The following DLC1 variants were observed in gnomAD, a reference collection of about 807,000 sequenced individuals.
The protein encoded by DLC1 is DLC1 Rho GTPase activating protein.
A neutral mutation model predicts 140.3 loss-of-function variants in DLC1; 54 were observed. The ratio of observed to expected loss-of-function variants is 0.38; its 90% CI spans 0.31 to 0.48. The LOEUF is 0.48. DLC1 is among the 20% of genes least tolerant of loss of function. DLC1 has a pLI of 0.96. For missense variants in DLC1, 2,536 were observed against 1,907.0 expected (o/e 1.33, Z -6.14); for synonymous variants, 986 against 728.1 (o/e 1.35, Z -5.70).
At chr8:13,504,558 G>A (rs560888423) in intron 1 of DLC1, among the ~76,000 whole-genome samples, 2 of 152,296 alleles carry the variant, frequency 1.3e-5, no homozygotes, top group Non-Finnish European at 2.9e-5. Flanking sequence ...AATAGACCAC[G>A]TAAGAAATGT....
chr8:13,169,917 G>C (rs1029739447), intron 5 of DLC1, among the ~76,000 whole-genome samples: 7 of 151,914 alleles, frequency 4.6e-5, no homozygotes, highest in African/African-American at 1.7e-4. Context: ...CTACTGTGGA[G>C]GCTGAGATGG....
At chr8:13,147,913 G>C (rs896635928) in intron 5 of DLC1, among the ~76,000 whole-genome samples, 1 of 152,074 alleles carries the variant, frequency 6.6e-6, no homozygotes, top group Non-Finnish European at 1.5e-5. Context: ...GCTTGAACCC[G>C]GGAGGCGGAG....
chr8:13,348,038 G>A (rs182003488), intron 4 of DLC1, among the ~76,000 whole-genome samples: 4 of 152,190 alleles, frequency 2.6e-5, no homozygotes, highest in East Asian at 1.9e-4. Context: ...GCAGTCAGCC[G>A]AGATCACGCC....
At chr8:13,276,506 C>T in intron 5 of DLC1, 3 of 1,305,524 alleles carry the variant, frequency 2.3e-6, no homozygotes, top group Non-Finnish European at 2.9e-6. Context: ...TTCAGGAGGC[C>T]GGCATTGCGG....
chr8:13,452,511 T>G (rs1799113130), intron 2 of DLC1, among the ~76,000 whole-genome samples: 1 of 152,154 alleles, frequency 6.6e-6, no homozygotes, highest in South Asian at 2.1e-4. Context: ...TTTCAACCAT[T>G]TGCTAAAGTG....
chr8:13,372,238 T>C (rs1586226534), intron 4 of DLC1, among the ~76,000 whole-genome samples: 1 of 152,210 alleles, frequency 6.6e-6, no homozygotes, highest in Admixed American at 6.5e-5. Context: ...TAGTTTTATA[T>C]AGAGGTTATT....
At chr8:13,099,150 C>T (rs1050606724) in intron 9 of DLC1, among the ~76,000 whole-genome samples, 197 bp downstream of exon 9, 1 of 152,052 alleles carries the variant, frequency 6.6e-6, no homozygotes, top group Non-Finnish European at 1.5e-5. Context: ...TTTTCATCTT[C>T]CCCAACCGGA....
intron 2 of DLC1, among the ~76,000 whole-genome samples, chr8:13,418,608 G>A (rs999940715): frequency 4.6e-5 from 7 of 152,072 alleles, no homozygotes; most frequent in Non-Finnish European, 8.8e-5. Flanking sequence ...TGCTGTTTTG[G>A]TTACTGTAGG....
At chr8:13,244,592 C>T (rs911704479) in intron 5 of DLC1, among the ~76,000 whole-genome samples, 13 of 152,124 alleles carry the variant, frequency 8.5e-5, no homozygotes, top group African/African-American at 2.9e-4. Flanking sequence ...AGCCACCACT[C>T]TTGGCCTCCT....
At chr8:13,211,824 C>A (rs867303493) in intron 5 of DLC1, among the ~76,000 whole-genome samples, 13 of 152,180 alleles carry the variant, frequency 8.5e-5, no homozygotes, top group South Asian at 6.2e-4. Flanking sequence ...GAAAACAAAC[C>A]CCCAAATTGA....
rs565899163 is a variant in DLC1, at chr8:13,425,122, TA to T, written c.1024-23504del. Among the ~76,000 whole-genome samples, 374 of 139,804 alleles carry T rather than the reference TA, an allele frequency of 2.7e-3. 3 individuals carry two copies. Among genetic ancestry groups the T allele is most frequent in the South Asian group, 8.4e-3 (37 of 4,404 alleles). 91.7% of individuals were successfully genotyped at this position (139,804 alleles called of 152,430 possible). On this transcript the variant is annotated intron_variant, in intron 2 of 17. Transcript: ENST00000276297. ...CAAGTTCCTAGAACACAATGTGCAGTAAAAAAAAAAAAGGGTCATTATCTCT... is the reference window on the plus strand; with the variant it reads ...CAAGTTCCTAGAACACAATGTGCAGTAAAAAAAAAAAGGGTCATTATCTCT...
At chr8:13,319,485 G>GA (rs1833000358) in intron 4 of DLC1, among the ~76,000 whole-genome samples, 1 of 102,322 alleles carries the variant, frequency 9.8e-6, no homozygotes, top group Non-Finnish European at 2.0e-5. Context: ...GGGGGGGGGG[G>GA]GTGGATTTCC....
At chr8:13,366,552 C>T (rs1053741801) in intron 4 of DLC1, among the ~76,000 whole-genome samples, 1 of 152,096 alleles carries the variant, frequency 6.6e-6, no homozygotes, top group African/African-American at 2.4e-5. Flanking sequence ...GGGAAAGAAC[C>T]CAGAGGTCTT....
At chr8:13,194,954 G>C (rs1299892712) in intron 5 of DLC1, among the ~76,000 whole-genome samples, 2 of 152,158 alleles carry the variant, frequency 1.3e-5, no homozygotes, top group East Asian at 3.8e-4. Context: ...AGGTTACAGT[G>C]AGCTATGATT....
At chr8:13,481,827 C>T (rs960193697) in intron 2 of DLC1, among the ~76,000 whole-genome samples, 1 of 152,034 alleles carries the variant, frequency 6.6e-6, no homozygotes, top group South Asian at 2.1e-4. Flanking sequence ...ATGGACAGGC[C>T]AGTATTCCAA....
intron 1 of DLC1, among the ~76,000 whole-genome samples, chr8:13,581,046 T>A (rs1805076978): frequency 6.6e-6 from 1 of 152,130 alleles, no homozygotes; most frequent in African/African-American, 2.4e-5. Flanking sequence ...AACCTTAAAG[T>A]TGTCAGTAGT....
intron 4 of DLC1, among the ~76,000 whole-genome samples, chr8:13,351,027 T>C (rs1200348951): frequency 6.6e-6 from 1 of 152,204 alleles, no homozygotes; most frequent in Non-Finnish European, 1.5e-5. Context: ...ATTTGGATTT[T>C]TGAAATAGCC....
At chr8:13,578,124 C>A (rs964498305) in intron 1 of DLC1, among the ~76,000 whole-genome samples, 1 of 152,040 alleles carries the variant, frequency 6.6e-6, no homozygotes, top group Non-Finnish European at 1.5e-5. Flanking sequence ...TGGCTCCTTT[C>A]CTCAAATTCA....
intron 6 of DLC1, among the ~76,000 whole-genome samples, chr8:13,112,169 T>TA (rs950261797): frequency 1.3e-5 from 2 of 151,748 alleles, no homozygotes; most frequent in Non-Finnish European, 2.9e-5. Flanking sequence ...AAATAAAAAG[T>TA]AAAAAAATCC....
Sources: allele counts gnomAD v4.1 joint callset (sites outside exome capture counted in the v4.1 genomes callset), GRCh38; gene constraint gnomAD v4.1.1; transcripts MANE v1.5; gene names NCBI Gene and HGNC (gene_info 2026-07-23, HGNC 2026-07-21).